The following BCL2L14 variants were observed in gnomAD, a reference collection of about 807,000 sequenced individuals.
BCL2L14 encodes the protein BCL2 like 14.
Under a neutral mutation model 35.3 loss-of-function variants are expected in BCL2L14, and 27 were observed. The observed-to-expected ratio is 0.76, with a 90% CI of 0.56 to 1.05. The LOEUF (loss-of-function observed/expected upper bound fraction) is 1.05, where lower values mean the gene tolerates loss of function less well. Ranked by LOEUF, BCL2L14 falls within the 50% of genes least tolerant of loss-of-function variation. BCL2L14 has a pLI of 0.00. For missense variants in BCL2L14, 377 were observed against 382.6 expected, an observed-to-expected ratio of 0.99 and a Z score of 0.12; for synonymous variants, 139 against 145.9, an observed-to-expected ratio of 0.95 and a Z score of 0.34.
At chr12:12,081,113 G>A (rs1948914077) in intron 2 of BCL2L14, among the ~76,000 whole-genome samples, 1 of 152,008 alleles carries the variant, frequency 6.6e-6, no homozygotes. Context: ...CTTGAGCCTG[G>A]GAAGTAGAGG....
intron 2 of BCL2L14, among the ~76,000 whole-genome samples, chr12:12,059,730 A>C (rs1265075727): frequency 1.3e-5 from 2 of 152,002 alleles, no homozygotes; most frequent in East Asian, 3.8e-4. Context: ...AAGAACTTAA[A>C]ACCTCTTCAA....
intron 3 of BCL2L14, among the ~76,000 whole-genome samples, chr12:12,088,345 G>A (rs1371101497): frequency 1.3e-5 from 2 of 152,070 alleles, no homozygotes; most frequent in African/African-American, 4.8e-5. Flanking sequence ...ACATAGCATG[G>A]GGGAAGCTGG....
Position 12,079,372 on chromosome 12 carries a change from G to T in BCL2L14, c.67G>T (p.Glu23Ter), listed in dbSNP as rs1771970715. The part of the protein sequence containing the change: ...PLDDDDLNTI[E>*]FKILAYYTRH... ...AGATGATGATGACCTAAACACCATAGAATTCAAAATCCTCGCCTACTACAC... is the reference window on the plus strand; with the variant it reads ...AGATGATGATGACCTAAACACCATATAATTCAAAATCCTCGCCTACTACAC... Residue 23 changes from glutamate to a stop codon, truncating the protein, a stop_gained, in exon 2 of 6, where the codon GAA (glutamate) becomes TAA (stop). Coordinates refer to ENST00000308721, the MANE Select transcript of BCL2L14 (RefSeq NM_138723.2). LOFTEE classifies it high-confidence loss of function. 1 of 1,614,162 alleles carries T rather than the reference G, an allele frequency of 6.2e-7. No homozygotes were observed. The highest frequency in any genetic ancestry group is 8.5e-7 in the Non-Finnish European group (1 of 1,180,032).
Position 12,094,844 on chromosome 12 carries a change from A to T in BCL2L14, c.859A>T (p.Asn287Tyr), listed in dbSNP as rs1224812386. The change falls in exon 5 of 6, where the codon AAC becomes TAC. Residue 287 changes from asparagine to tyrosine, a missense_variant. Asn to Tyr is a moderately radical substitution (Grantham distance 143, BLOSUM62 -2). Transcript: ENST00000308721. ...CACGGCCAAGCTCACAGCTATTGACAACCACCCGATGAACAGGGTCCTGGG... is the reference window on the plus strand; with the variant it reads ...CACGGCCAAGCTCACAGCTATTGACTACCACCCGATGAACAGGGTCCTGGG... ...DVTAKLTAIDNHPMNRVLGFG... is the reference protein window; with the variant it reads ...DVTAKLTAIDYHPMNRVLGFG... 1 of 1,614,202 alleles carries T rather than the reference A, an allele frequency of 6.2e-7. No homozygotes were observed. The highest frequency in any genetic ancestry group is 8.5e-7 in the Non-Finnish European group (1 of 1,180,044).
At chr12:12,085,856 A>G (rs7959836) in intron 2 of BCL2L14, among the ~76,000 whole-genome samples, 50,542 of 151,984 alleles carry the variant, frequency 0.33, 8,900 homozygotes, top group Middle Eastern at 0.46. Context: ...CAAAGCCCAG[A>G]AGTGCCCTAG....
intron 2 of BCL2L14, chr12:12,051,863 G>C (rs907440461): frequency 6.6e-6 from 1 of 152,180 alleles, no homozygotes; most frequent in Admixed American, 6.5e-5. Context: ...TACTGTAATA[G>C]CTACACACAA....
chr12:12,067,816 GGCCAACTT>G (rs1948611459), upstream of BCL2L14, among the ~76,000 whole-genome samples: 1 of 152,196 alleles, frequency 6.6e-6, no homozygotes, highest in Non-Finnish European at 1.5e-5. Context: ...ACCTGTCCCT[GGCCAACTT>G]GTTAGGCGTG....
chr12:12,096,786 G>T (rs1949320958), intron 5 of BCL2L14, among the ~76,000 whole-genome samples: 1 of 152,198 alleles, frequency 6.6e-6, no homozygotes, highest in Non-Finnish European at 1.5e-5. Flanking sequence ...TGGTTGGATT[G>T]TAAAATGGTG....
At chr12:12,095,670 C>T in intron 5 of BCL2L14, 1 of 985,328 alleles carries the variant, frequency 1.0e-6, no homozygotes, top group Non-Finnish European at 1.2e-6. Context: ...ATCCTTAGTT[C>T]TCTTTCCACT....
intron 2 of BCL2L14, among the ~76,000 whole-genome samples, chr12:12,082,359 A>G (rs1271193152): frequency 6.6e-6 from 1 of 152,234 alleles, no homozygotes; most frequent in African/African-American, 2.4e-5. Context: ...TCACCCAGCC[A>G]TGGCTTCTTC....
chr12:12,078,075 A>C, intron 1 of BCL2L14: 1 of 357,240 alleles, frequency 2.8e-6, no homozygotes, highest in Non-Finnish European at 5.7e-6. Context: ...CTGTTGTTTT[A>C]GTGCTTGTAC....
intron 2 of BCL2L14, among the ~76,000 whole-genome samples, chr12:12,065,763 C>T (rs1332212583): frequency 2.0e-5 from 3 of 151,446 alleles, no homozygotes; most frequent in African/African-American, 7.3e-5. Context: ...GGTAGGGAGA[C>T]ATGGGGAGCA....
chr12:12,077,122 G>A (rs1440160718), intron 1 of BCL2L14, among the ~76,000 whole-genome samples: 1 of 152,164 alleles, frequency 6.6e-6, no homozygotes, highest in Non-Finnish European at 1.5e-5. Flanking sequence ...AAGAAAAAGA[G>A]GAACATGCCA....
intron 2 of BCL2L14, among the ~76,000 whole-genome samples, chr12:12,058,574 C>T (rs1040512520): frequency 1.3e-5 from 2 of 151,932 alleles, no homozygotes; most frequent in Admixed American, 6.6e-5. Context: ...CTCAAAAGCT[C>T]CCCCACTGAG....
rs748477605 is a variant in BCL2L14 at position 12,090,780 on chromosome 12, TGAA to T, written c.616_618del (p.Glu206del). 5.5e-5 allele frequency: 88 copies of T among 1,610,018 alleles called. No individual in the cohort carries two copies. Among genetic ancestry groups the T allele is most frequent in the African/African-American group, 3.5e-4 (26 of 74,860 alleles). On this transcript the variant is annotated inframe_deletion and splice_region_variant, in exon 4 of 6. Coordinates refer to ENST00000308721, the MANE Select transcript of BCL2L14 (RefSeq NM_138723.2). Reference sequence around the variant, plus strand: ...AATAACTGGAATTTTCCCCGACAGATGAAGAAGAACAAATACTAGCCAAAATTG... The same window carrying T: ...AATAACTGGAATTTTCCCCGACAGATGAAGAACAAATACTAGCCAAAATTG...
intron 2 of BCL2L14, among the ~76,000 whole-genome samples, chr12:12,082,698 A>G (rs1315650422): frequency 6.6e-6 from 1 of 152,252 alleles, no homozygotes. Flanking sequence ...ATAGCTGAAT[A>G]GTACCTATGG....
intron 5 of BCL2L14, 73 bp downstream of exon 5, chr12:12,095,003 T>C: frequency 1.4e-6 from 2 of 1,421,796 alleles, no homozygotes; most frequent in Non-Finnish European, 1.9e-6. Context: ...TTTTTTTTTT[T>C]AAATGAAGGG....
chr12:12,095,679 C>T (rs1833028505), intron 5 of BCL2L14: 2 of 985,256 alleles, frequency 2.0e-6, no homozygotes, highest in South Asian at 9.4e-5. Flanking sequence ...TCTCTTTCCA[C>T]TAGAATGGTC....
chr12:12,055,011 A>G (rs1452703548), intron 2 of BCL2L14: 1 of 152,182 alleles, frequency 6.6e-6, no homozygotes, highest in East Asian at 1.9e-4. Flanking sequence ...TCAGAGGAAA[A>G]TGACATCCCT....
Sources: gnomAD v4.1 joint callset for allele counts (sites outside exome capture counted in the v4.1 genomes callset) on GRCh38, gnomAD v4.1.1 for gene constraint, MANE v1.5 for transcripts, NCBI Gene and HGNC (gene_info 2026-07-23, HGNC 2026-07-21) for gene names.